Variants in CDH13 observed in about 807,000 individuals in gnomAD.
The protein encoded by CDH13 is cadherin 13, also known as cadherin-13.
Under a neutral mutation model 63.8 loss-of-function variants are expected in CDH13, and 24 were observed. The observed-to-expected ratio is 0.38, with a 90% CI of 0.27 to 0.53. CDH13 has a LOEUF of 0.53. Ranked by LOEUF, CDH13 falls within the 20% of genes least tolerant of loss-of-function variation. The probability of loss-of-function intolerance (pLI) is 0.85; values close to 1 mark genes in which losing one functional copy is unlikely to be tolerated. For synonymous variants in CDH13, 503 were observed against 355.3 expected, an observed-to-expected ratio of 1.42 and a Z score of -4.67; for missense variants, 1,049 against 903.1, an observed-to-expected ratio of 1.16 and a Z score of -2.07.
At chr16:82,640,691 C>A (rs1331160969) in intron 1 of CDH13, among the ~76,000 whole-genome samples, 2 of 152,104 alleles carry the variant, frequency 1.3e-5, no homozygotes, top group Non-Finnish European at 2.9e-5. Flanking sequence ...GCGAGGGGAA[C>A]CAGGCATTCT....
At chr16:82,899,497 A>G (rs1224008191) in intron 2 of CDH13, among the ~76,000 whole-genome samples, 1 of 152,186 alleles carries the variant, frequency 6.6e-6, no homozygotes, top group Non-Finnish European at 1.5e-5. Context: ...TTGTTTGATG[A>G]TAACGAATAT....
chr16:82,889,824 G>A (rs527618665), intron 2 of CDH13, among the ~76,000 whole-genome samples: 5 of 152,292 alleles, frequency 3.3e-5, no homozygotes, highest in South Asian at 2.1e-4. Context: ...ACTAAAATAC[G>A]TAAGTCTAAA....
intron 4 of CDH13, among the ~76,000 whole-genome samples, chr16:83,135,816 A>G (rs1379621431): frequency 1.3e-5 from 2 of 152,236 alleles, no homozygotes; most frequent in South Asian, 2.1e-4. Flanking sequence ...TGACATATGT[A>G]TATATGATGG....
chr16:83,494,165 T>C (rs1442976275), intron 7 of CDH13, among the ~76,000 whole-genome samples: 1 of 152,216 alleles, frequency 6.6e-6, no homozygotes, highest in Non-Finnish European at 1.5e-5. Flanking sequence ...TTTTATATGG[T>C]AAAGATAATT....
chr16:83,716,518 C>G (rs1411075601), intron 10 of CDH13, among the ~76,000 whole-genome samples: 1 of 152,186 alleles, frequency 6.6e-6, no homozygotes, highest in African/African-American at 2.4e-5. Flanking sequence ...CAGTCTTGCT[C>G]TGTCACCCAG....
At chr16:82,901,265 AG>A (rs371564924) in intron 2 of CDH13, among the ~76,000 whole-genome samples, 1 of 151,796 alleles carries the variant, frequency 6.6e-6, no homozygotes, top group Non-Finnish European at 1.5e-5. Flanking sequence ...ATCTCCTTGC[AG>A]GCCTTCAAAT....
intron 7 of CDH13, among the ~76,000 whole-genome samples, chr16:83,549,723 A>G (rs2075456002): frequency 6.6e-6 from 1 of 152,216 alleles, no homozygotes; most frequent in African/African-American, 2.4e-5. Flanking sequence ...TACCGCATTG[A>G]ATTTCCAATA....
intron 5 of CDH13, among the ~76,000 whole-genome samples, chr16:83,271,234 T>C (rs1357792834): frequency 6.6e-6 from 1 of 151,670 alleles, no homozygotes; most frequent in Non-Finnish European, 1.5e-5. Context: ...TTGTATCCTT[T>C]CTGGATGAAG....
intron 1 of CDH13, among the ~76,000 whole-genome samples, chr16:82,673,304 A>G (rs9931792): frequency 0.064 from 9,760 of 152,126 alleles, 365 homozygotes; most frequent in Middle Eastern, 0.16. Flanking sequence ...TCATTCATTC[A>G]TTCAATAAAC....
At chr16:83,228,596 A>G (rs1345608318) in intron 5 of CDH13, among the ~76,000 whole-genome samples, 3 of 152,206 alleles carry the variant, frequency 2.0e-5, no homozygotes, top group Non-Finnish European at 4.4e-5. Context: ...AGAATGAGGA[A>G]TGACAGGAGA....
intron 6 of CDH13, among the ~76,000 whole-genome samples, chr16:83,352,215 G>A (rs925741386): frequency 1.3e-5 from 2 of 150,512 alleles, no homozygotes; most frequent in Non-Finnish European, 2.9e-5. Context: ...CATAAAACAC[G>A]TTTTATGAAA....
chr16:83,156,330 C>G (rs1409534793), intron 4 of CDH13, among the ~76,000 whole-genome samples: 1 of 152,160 alleles, frequency 6.6e-6, no homozygotes, highest in Non-Finnish European at 1.5e-5. Flanking sequence ...ATGATTCACT[C>G]CATAGTTCCA....
chr16:83,470,414 C>G (rs1323872914), intron 6 of CDH13, among the ~76,000 whole-genome samples: 1 of 152,180 alleles, frequency 6.6e-6, no homozygotes, highest in African/African-American at 2.4e-5. Flanking sequence ...GGTAGCTCTC[C>G]TGGCCATCCC....
intron 8 of CDH13, among the ~76,000 whole-genome samples, chr16:83,665,030 C>A (rs369702700): frequency 9.9e-5 from 15 of 152,212 alleles, no homozygotes; most frequent in African/African-American, 2.4e-4. Flanking sequence ...GAGATAAATC[C>A]TAATCATAGA....
chr16:83,124,287 C>T (rs374051827), intron 3 of CDH13, among the ~76,000 whole-genome samples: 10 of 152,276 alleles, frequency 6.6e-5, no homozygotes, highest in South Asian at 6.2e-4. Context: ...CTCAGGAGAT[C>T]GGCCTGCCCT....
At chr16:82,971,367 C>G (rs1908715858) in intron 2 of CDH13, among the ~76,000 whole-genome samples, 1 of 152,202 alleles carries the variant, frequency 6.6e-6, no homozygotes, top group Non-Finnish European at 1.5e-5. Flanking sequence ...CCTTCCACAT[C>G]AACCCCGCAC....
chr16:83,251,491 A>T (rs1438213047), intron 5 of CDH13, among the ~76,000 whole-genome samples: 1 of 152,170 alleles, frequency 6.6e-6, no homozygotes, highest in Non-Finnish European at 1.5e-5. Flanking sequence ...TCTGTCTCCA[A>T]AGCTGAGATT....
chr16:83,058,419 A>C (rs1415462401), intron 3 of CDH13, among the ~76,000 whole-genome samples: 2 of 152,176 alleles, frequency 1.3e-5, no homozygotes, highest in Non-Finnish European at 2.9e-5. Flanking sequence ...CCTATGTTTC[A>C]ACATGGGGGT....
Position 82,637,151 on chromosome 16 carries a change from T to C in CDH13, c.45+10014T>C, listed in dbSNP as rs138345212. On this transcript the variant is annotated intron_variant, in intron 1 of 13. Transcript: ENST00000567109. ...TGGCCAGGATCCTACAGCTGTCTAA[T>C]TGGGCCCTGTAAAAATACTTTGATT... 1.8e-4 allele frequency among the ~76,000 whole-genome samples: 27 copies of C among 152,284 alleles called. No homozygotes were observed. The East Asian group carries it at 4.8e-3, about 27-fold the overall frequency.
Sources: gnomAD v4.1 joint callset for allele counts (sites outside exome capture counted in the v4.1 genomes callset) on GRCh38, gnomAD v4.1.1 for gene constraint, MANE v1.5 for transcripts, NCBI Gene and HGNC (gene_info 2026-07-23, HGNC 2026-07-21) for gene names.